The following FRMD5 variants were observed in gnomAD, a reference collection of about 807,000 sequenced individuals.
The protein encoded by FRMD5 is FERM domain containing 5, also known as FERM domain-containing protein 5.
A neutral mutation model predicts 69.0 loss-of-function variants in FRMD5; 20 were observed. That is an observed-to-expected ratio of 0.29 (90% CI 0.20 to 0.42). The LOEUF is 0.42. Ranked by LOEUF, FRMD5 falls within the 10% of genes least tolerant of loss-of-function variation. The pLI is 1.00. For synonymous variants in FRMD5, 271 were observed against 260.1 expected (o/e 1.04, Z -0.40); for missense variants, 595 against 708.6 (o/e 0.84, Z 1.82).
chr15:44,197,614 G>T (rs941124678), upstream of FRMD5, among the ~76,000 whole-genome samples: 1 of 144,662 alleles, frequency 6.9e-6, no homozygotes, highest in African/African-American at 2.6e-5. Flanking sequence ...CCTGGGAGGC[G>T]AAGGTTGCAG....
At chr15:43,885,479 A>G (rs912863010) in intron 11 of FRMD5, among the ~76,000 whole-genome samples, 4 of 152,164 alleles carry the variant, frequency 2.6e-5, no homozygotes, top group African/African-American at 7.2e-5. Flanking sequence ...GCCGGCCAAT[A>G]TACATTTAAA....
At chr15:43,974,663 A>G (rs2090437256) in intron 1 of FRMD5, among the ~76,000 whole-genome samples, 1 of 152,230 alleles carries the variant, frequency 6.6e-6, no homozygotes, top group African/African-American at 2.4e-5. Context: ...ACAAATGTTT[A>G]AAGTGTTGAA....
chr15:44,085,631 T>C (rs1021020483), intron 1 of FRMD5, among the ~76,000 whole-genome samples: 1 of 152,148 alleles, frequency 6.6e-6, no homozygotes, highest in African/African-American at 2.4e-5. Context: ...CATTATCTTA[T>C]AGGCATAGAG....
At chr15:44,166,471 C>T (rs116382169) in intron 1 of FRMD5, among the ~76,000 whole-genome samples, 4,437 of 151,892 alleles carry the variant, frequency 0.029, 178 homozygotes, top group African/African-American at 0.09. Flanking sequence ...TTATTTCTCT[C>T]GTTATCTTTA....
intron 1 of FRMD5, among the ~76,000 whole-genome samples, chr15:44,008,656 C>T (rs973237376): frequency 1.3e-5 from 2 of 152,100 alleles, no homozygotes; most frequent in African/African-American, 4.8e-5. Context: ...ATACTTGCAT[C>T]AGATTTTCAA....
chr15:44,022,856 C>T (rs1891271335), intron 1 of FRMD5, among the ~76,000 whole-genome samples: 1 of 152,064 alleles, frequency 6.6e-6, no homozygotes, highest in Non-Finnish European at 1.5e-5. Flanking sequence ...CAGCTGCATA[C>T]CGTTTTTCAT....
intron 13 of FRMD5, among the ~76,000 whole-genome samples, chr15:43,881,024 C>G (rs2088512643): frequency 6.6e-6 from 1 of 152,218 alleles, no homozygotes. Context: ...TTGGCAGCAA[C>G]TCTCAGTGAG....
intron 1 of FRMD5, among the ~76,000 whole-genome samples, chr15:44,180,869 GATT>G (rs1193721642): frequency 2.6e-5 from 4 of 151,994 alleles, no homozygotes; most frequent in Non-Finnish European, 2.9e-5. Flanking sequence ...AATTATATAG[GATT>G]ATTTATAAGT....
At chr15:44,198,999 C>T (rs924946224), upstream of FRMD5, among the ~76,000 whole-genome samples, 2 of 152,072 alleles carry the variant, frequency 1.3e-5, no homozygotes, top group African/African-American at 4.8e-5. Context: ...AGGTACTATC[C>T]CCCACGTATG....
intron 7 of FRMD5, among the ~76,000 whole-genome samples, chr15:43,894,289 G>T (rs1272239098): frequency 6.6e-6 from 1 of 151,600 alleles, no homozygotes; most frequent in Non-Finnish European, 1.5e-5. Flanking sequence ...TGCCTGTTCT[G>T]TCTCTTCTGC....
intron 1 of FRMD5, among the ~76,000 whole-genome samples, chr15:43,995,313 T>G (rs924517808): frequency 6.6e-6 from 1 of 152,204 alleles, no homozygotes; most frequent in Admixed American, 6.5e-5. Flanking sequence ...CAATGTAGGC[T>G]TAACTACATT....
intron 10 of FRMD5, 42 bp downstream of exon 10, chr15:43,888,133 T>C: frequency 6.8e-7 from 1 of 1,475,462 alleles, no homozygotes; most frequent in African/African-American, 1.4e-5. Context: ...TCTCTGACTC[T>C]GGCTCTAAGA....
At chr15:43,934,004 G>A (rs1241839343) in intron 1 of FRMD5, among the ~76,000 whole-genome samples, 1 of 152,188 alleles carries the variant, frequency 6.6e-6, no homozygotes, top group African/African-American at 2.4e-5. Flanking sequence ...AGGAGGCGGG[G>A]CTGGAAGGTG....
chr15:44,105,690 G>T (rs978254974), intron 1 of FRMD5, among the ~76,000 whole-genome samples: 13 of 152,050 alleles, frequency 8.5e-5, no homozygotes, highest in Non-Finnish European at 1.6e-4. Context: ...TTCCTTTCAT[G>T]CCTGTACTGC....
At chr15:43,897,719 A>G (rs75749813) in intron 7 of FRMD5, among the ~76,000 whole-genome samples, 4,077 of 152,204 alleles carry the variant, frequency 0.027, 182 homozygotes, top group African/African-American at 0.094. Flanking sequence ...GTGAACTTAC[A>G]TTAAATTTTT....
chr15:44,198,104 T>G (rs1428391751), upstream of FRMD5, among the ~76,000 whole-genome samples: 1 of 151,944 alleles, frequency 6.6e-6, no homozygotes, highest in Non-Finnish European at 1.5e-5. Context: ...GAGCTCAGGA[T>G]TTCAAGACCC....
chr15:43,943,804 T>G (rs1302347803), intron 1 of FRMD5, among the ~76,000 whole-genome samples: 1 of 152,266 alleles, frequency 6.6e-6, no homozygotes, highest in African/African-American at 2.4e-5. Flanking sequence ...GATTTCAAAC[T>G]TCTAGTTTCC....
intron 1 of FRMD5, among the ~76,000 whole-genome samples, chr15:44,182,201 G>A (rs1330267963): frequency 6.6e-6 from 1 of 151,658 alleles, no homozygotes; most frequent in African/African-American, 2.4e-5. Flanking sequence ...AGTAAAGACA[G>A]GGTTTCATCT....
chr15:44,030,916 C>T (rs1566908715), intron 1 of FRMD5, among the ~76,000 whole-genome samples: 2 of 151,936 alleles, frequency 1.3e-5, no homozygotes, highest in Non-Finnish European at 2.9e-5. Flanking sequence ...GAAATCTATT[C>T]TCTATTAAAA....
Sources: gnomAD v4.1 joint callset for allele counts (sites outside exome capture counted in the v4.1 genomes callset) on GRCh38, gnomAD v4.1.1 for gene constraint, MANE v1.5 for transcripts, NCBI Gene and HGNC (gene_info 2026-07-23, HGNC 2026-07-21) for gene names.